The following INPP4B variants were observed in gnomAD, a reference collection of about 807,000 sequenced individuals.
The protein encoded by INPP4B is inositol polyphosphate-4-phosphatase type II B.
INPP4B carries 55 observed loss-of-function variants against 122.5 expected under a neutral mutation model. The ratio of observed to expected loss-of-function variants is 0.45; its 90% confidence interval spans 0.36 to 0.56. INPP4B has a LOEUF of 0.56. Among genes scored for constraint, INPP4B ranks in the 20% least tolerant of loss-of-function variants. The probability of loss-of-function intolerance (pLI) is 0.00; values close to 1 mark genes in which losing one functional copy is unlikely to be tolerated. For missense variants in INPP4B, 1,000 were observed against 1,097.7 expected, an observed-to-expected ratio of 0.91 and a Z score of 1.26; for synonymous variants, 403 against 388.7, an observed-to-expected ratio of 1.04 and a Z score of -0.43.
intron 2 of INPP4B, among the ~76,000 whole-genome samples, chr4:142,723,773 T>A (rs962265069): frequency 6.6e-6 from 1 of 152,104 alleles, no homozygotes; most frequent in African/African-American, 2.4e-5. Context: ...TATTTAAACA[T>A]TGAAATTTAA....
chr4:142,649,405 C>A (rs1021558104), intron 2 of INPP4B, among the ~76,000 whole-genome samples: 1 of 152,098 alleles, frequency 6.6e-6, no homozygotes. Context: ...TTCAGAAGGT[C>A]GGTAATAACA....
At chr4:142,485,742 C>T (rs1472271273) in intron 2 of INPP4B, among the ~76,000 whole-genome samples, 2 of 152,102 alleles carry the variant, frequency 1.3e-5, no homozygotes, top group Non-Finnish European at 2.9e-5. Flanking sequence ...AATTTCTTGT[C>T]CAAGGTAACA....
chr4:142,399,305 T>C (rs1800841497), intron 7 of INPP4B, among the ~76,000 whole-genome samples: 1 of 146,958 alleles, frequency 6.8e-6, no homozygotes, highest in South Asian at 2.3e-4. Context: ...CAAGATATTC[T>C]CCTGCCTCAG....
intron 10 of INPP4B, among the ~76,000 whole-genome samples, chr4:142,265,714 A>G (rs916044729): frequency 1.3e-5 from 2 of 152,186 alleles, no homozygotes; most frequent in Non-Finnish European, 2.9e-5. Flanking sequence ...CTGATGCCAA[A>G]ATGTTTGATG....
At chr4:142,409,843 G>A (rs575806501) in intron 5 of INPP4B, among the ~76,000 whole-genome samples, 8 of 152,258 alleles carry the variant, frequency 5.3e-5, no homozygotes, top group East Asian at 1.9e-4. Context: ...TAGTCTTGAC[G>A]CTTACAGCTA....
chr4:142,385,239 G>A (rs777677192), intron 7 of INPP4B, among the ~76,000 whole-genome samples: 7 of 152,074 alleles, frequency 4.6e-5, no homozygotes, highest in African/African-American at 1.4e-4. Flanking sequence ...GTGTATAAGC[G>A]TTCTTTTTTC....
intron 11 of INPP4B, among the ~76,000 whole-genome samples, chr4:142,252,711 T>C (rs889183870): frequency 6.6e-6 from 1 of 152,224 alleles, no homozygotes; most frequent in Admixed American, 6.5e-5. Flanking sequence ...CAAATGTGAT[T>C]ATTAAGTTTT....
At position 142,413,390 on chromosome 4, in the gene INPP4B, ATAAAC is replaced by A. The variant is rs1805015177; in HGVS notation, c.137-8071_137-8067del. The stretch of plus-strand genomic sequence containing the variant: ...CTAAGGAATCAGCTCATACATACAC[ATAAAC>A]TAAATGAGTGAATAAACACACAGAC... On this transcript the variant is annotated intron_variant, in intron 5 of 25. Coordinates refer to ENST00000262992, the MANE Select transcript of INPP4B (RefSeq NM_001101669.3). Among the ~76,000 whole-genome samples, 5 of 152,190 alleles carry A rather than the reference ATAAAC, an allele frequency of 3.3e-5. No homozygotes were observed. In the South Asian group the frequency reaches 1.0e-3, roughly 31 times the overall value.
chr4:142,215,675 C>T (rs905681790), intron 12 of INPP4B, among the ~76,000 whole-genome samples: 6 of 151,566 alleles, frequency 4.0e-5, no homozygotes, highest in South Asian at 2.1e-4. Flanking sequence ...GGGCAGATCA[C>T]GAGGTCAGGA....
At chr4:142,337,212 T>C (rs1776945478) in intron 7 of INPP4B, among the ~76,000 whole-genome samples, 1 of 146,078 alleles carries the variant, frequency 6.8e-6, no homozygotes, top group African/African-American at 2.5e-5. Flanking sequence ...TTTATCCCTA[T>C]TCCTCTTGAT....
At chr4:142,061,682 A>G (rs1760703374) in intron 25 of INPP4B, among the ~76,000 whole-genome samples, 2 of 151,810 alleles carry the variant, frequency 1.3e-5, no homozygotes, top group Admixed American at 6.6e-5. Flanking sequence ...AGTCACAACG[A>G]TTGGGTCATT....
At chr4:142,734,572 C>T (rs1766550423) in intron 1 of INPP4B, among the ~76,000 whole-genome samples, 1 of 152,148 alleles carries the variant, frequency 6.6e-6, no homozygotes, top group Non-Finnish European at 1.5e-5. Context: ...CTTCGATACA[C>T]TTTTCAAGTG....
intron 25 of INPP4B, among the ~76,000 whole-genome samples, chr4:142,074,480 G>A (rs984233485): frequency 3.9e-5 from 6 of 152,200 alleles, no homozygotes; most frequent in Admixed American, 3.9e-4. Context: ...TAGCTATTTG[G>A]AAAAGCAATC....
At chr4:142,720,666 T>A (rs1052497515) in intron 2 of INPP4B, among the ~76,000 whole-genome samples, 1 of 138,528 alleles carries the variant, frequency 7.2e-6, no homozygotes, top group Non-Finnish European at 1.5e-5. Flanking sequence ...GATTCCCAGT[T>A]GGTTGAATCT....
intron 25 of INPP4B, among the ~76,000 whole-genome samples, chr4:142,057,272 T>A (rs1198891811): frequency 6.6e-6 from 1 of 152,118 alleles, no homozygotes; most frequent in Non-Finnish European, 1.5e-5. Context: ...CATAAGCCTT[T>A]CCTTTCTGCA....
chr4:142,468,736 C>G (rs898444798), intron 2 of INPP4B, among the ~76,000 whole-genome samples: 1 of 152,162 alleles, frequency 6.6e-6, no homozygotes, highest in Non-Finnish European at 1.5e-5. Context: ...AGCCTGAAGC[C>G]CTCATCAGAT....
intron 25 of INPP4B, among the ~76,000 whole-genome samples, chr4:142,080,487 T>C (rs1364028877): frequency 6.6e-6 from 1 of 152,154 alleles, no homozygotes; most frequent in Non-Finnish European, 1.5e-5. Flanking sequence ...TTTAGTGTTT[T>C]AGATTAAATT....
intron 2 of INPP4B, among the ~76,000 whole-genome samples, chr4:142,698,951 A>T (rs1761369116): frequency 6.6e-6 from 1 of 152,108 alleles, no homozygotes; most frequent in South Asian, 2.1e-4. Flanking sequence ...GGCCCCTAGT[A>T]TATAAAACTA....
intron 3 of INPP4B, among the ~76,000 whole-genome samples, chr4:142,445,381 A>T (rs1246461965): frequency 4.0e-5 from 6 of 151,286 alleles, no homozygotes; most frequent in African/African-American, 1.5e-4. Context: ...ATACTGAAAA[A>T]CAACAAATAC....
Sources: allele counts gnomAD v4.1 joint callset (sites outside exome capture counted in the v4.1 genomes callset), GRCh38; gene constraint gnomAD v4.1.1; transcripts MANE v1.5; gene names NCBI Gene and HGNC (gene_info 2026-07-23, HGNC 2026-07-21).